POT1: variants seen among roughly 807,000 people sequenced by gnomAD.
The protein encoded by POT1 is protection of telomeres 1, also known as protection of telomeres protein 1.
Under a neutral mutation model 78.5 loss-of-function variants are expected in POT1, and 47 were observed. The ratio of observed to expected loss-of-function variants is 0.60; its 90% CI spans 0.47 to 0.76. The LOEUF (loss-of-function observed/expected upper bound fraction) is 0.76. POT1 is among the 30% of genes least tolerant of loss of function. POT1 has a pLI of 0.00. For missense variants in POT1, 646 were observed against 749.9 expected, an observed-to-expected ratio of 0.86 and a Z score of 1.62; for synonymous variants, 259 against 260.7, an observed-to-expected ratio of 0.99 and a Z score of 0.06.
chr7:124,885,404 C>T (rs1429972318), intron 6 of POT1, among the ~76,000 whole-genome samples: 15 of 151,358 alleles, frequency 9.9e-5, no homozygotes, highest in East Asian at 7.8e-4. Flanking sequence ...GCCCAGCAGT[C>T]GAGGCTGAGG....
At chr7:124,824,259 T>C (rs1344873412) in intron 18 of POT1, among the ~76,000 whole-genome samples, 185 bp from the exon 19 acceptor site, 2 of 151,914 alleles carry the variant, frequency 1.3e-5, no homozygotes, top group African/African-American at 2.4e-5. Context: ...ATTCATGTTA[T>C]TGTTTTGGAG....
intron 3 of POT1, among the ~76,000 whole-genome samples, chr7:124,909,119 T>G (rs1359139727): frequency 6.6e-6 from 1 of 151,842 alleles, no homozygotes; most frequent in East Asian, 1.9e-4. Context: ...ATAAGTGTCT[T>G]TATTTTTGAC....
rs1795350401 is a variant in POT1, at chr7:124,852,997, T to C, written c.844A>G (p.Asn282Asp). 1 of 1,613,396 alleles carries C rather than the reference T, an allele frequency of 6.2e-7. No homozygotes were observed. Among genetic ancestry groups the C allele is most frequent in the Non-Finnish European group, 8.5e-7 (1 of 1,179,544 alleles). Residue 282 changes from asparagine to aspartate, a missense_variant, in exon 10 of 19, where the codon AAC becomes GAC. Transcript: ENST00000357628. ...TTTTTCAGTTGATCCACATCAGAGTTACTTTCTGGCAAGACCCTGATTCCC... is the reference window on the plus strand; with the variant it reads ...TTTTTCAGTTGATCCACATCAGAGTCACTTTCTGGCAAGACCCTGATTCCC... ...GRGIRVLPES[N>D]SDVDQLKKDL...
intron 15 of POT1, among the ~76,000 whole-genome samples, chr7:124,834,861 T>C (rs1007580531): frequency 1.3e-5 from 2 of 152,164 alleles, no homozygotes; most frequent in African/African-American, 4.8e-5. Context: ...CCATCAGTGA[T>C]AGACTGGATT....
chr7:124,897,104 ATG>A (rs1796510088), intron 5 of POT1, 59 bp downstream of exon 5: 1 of 1,042,474 alleles, frequency 9.6e-7, no homozygotes, highest in African/African-American at 1.7e-5. Context: ...ACATGTATCT[ATG>A]TGTGTGGCAT....
At chr7:124,835,957 G>C (rs547321051) in intron 14 of POT1, among the ~76,000 whole-genome samples, 5 of 152,148 alleles carry the variant, frequency 3.3e-5, no homozygotes, top group Non-Finnish European at 7.3e-5. Flanking sequence ...TGGCTGAGAA[G>C]TATTGTCCAA....
chr7:124,822,405 T>C lies in POT1; in HGVS notation c.*1557A>G, dbSNP rs930742899. ...AAGAAATCATGATAAGGTGGATGTT[T>C]ATTTAAAACAAAAATAAGAAGAGAC... On this transcript the variant is annotated 3_prime_UTR_variant, in exon 19 of 19. Transcript: ENST00000357628. 10 of 325,408 alleles carry C rather than the reference T, an allele frequency of 3.1e-5. No individual in the cohort carries two copies. Among genetic ancestry groups the C allele is most frequent in the Middle Eastern group, 4.1e-4 (1 of 2,450 alleles). 20.2% of individuals were successfully genotyped at this position (325,408 alleles called of 1,614,324 possible).
chr7:124,884,569 C>A (rs1796198818), intron 6 of POT1, among the ~76,000 whole-genome samples: 1 of 151,916 alleles, frequency 6.6e-6, no homozygotes. Context: ...AGGTGATGTA[C>A]CACATTATGT....
chr7:124,867,796 C>T (rs1372787575), intron 7 of POT1, among the ~76,000 whole-genome samples: 1 of 152,022 alleles, frequency 6.6e-6, no homozygotes, highest in East Asian at 1.9e-4. Context: ...TACAAGCACC[C>T]ACCACCACAC....
At chr7:124,845,108 C>T (rs1272806781) in intron 12 of POT1, among the ~76,000 whole-genome samples, 2 of 152,156 alleles carry the variant, frequency 1.3e-5, no homozygotes, top group Non-Finnish European at 2.9e-5. Context: ...TAATTACAGG[C>T]AATTTTCAAC....
Position 124,856,919 on chromosome 7 carries a change from T to C in POT1, c.702+2038A>G, listed in dbSNP as rs989615628. 2.0e-5 allele frequency among the ~76,000 whole-genome samples: 3 copies of C among 152,218 alleles called. 1 individual carries two copies. Among genetic ancestry groups the C allele is most frequent in the Non-Finnish European group, 4.4e-5 (3 of 68,036 alleles). ...ATCTTCAACAGTCAGTGTTTTCTGA[T>C]ATGTCACAGATGTATGTGCATACAT... is the stretch of plus-strand genomic sequence containing the variant. On this transcript the variant is annotated intron_variant, in intron 9 of 18. Transcript: ENST00000357628.
At chr7:124,831,655 T>C (rs1353473576) in intron 15 of POT1, among the ~76,000 whole-genome samples, 3 of 152,102 alleles carry the variant, frequency 2.0e-5, no homozygotes, top group Admixed American at 1.3e-4. Context: ...TATCCATTAA[T>C]AGGAAAATAG....
rs763445417 is a variant in POT1, at chr7:124,824,018, C to T, written c.1849G>A (p.Asp617Asn). The T allele has an allele frequency of 6.2e-7, 1 of 1,609,468 alleles. No individual in the cohort carries two copies. Among genetic ancestry groups the T allele is most frequent in the South Asian group, 1.1e-5 (1 of 90,622 alleles). Residue 617 changes from aspartate (D) to asparagine (N), a missense_variant, in exon 19 of 19, where the codon GAT (aspartate) becomes AAT (asparagine). Coordinates refer to ENST00000357628, the MANE Select transcript of POT1 (RefSeq NM_015450.3). ...IKSYNVTNGT[D>N]NQICYQIFDT... ...AAAATCTGATAGCAAATTTGATTAT[C>T]TGTTCCATTTGTGACATTGTATGAC...
At chr7:124,844,732 CAAAAAAAAAAAA>C (rs33956452) in intron 12 of POT1, among the ~76,000 whole-genome samples, 1 of 62,882 alleles carries the variant, frequency 1.6e-5, no homozygotes, top group Non-Finnish European at 2.9e-5. Flanking sequence ...GACTCCGCCT[CAAAAAAAAAAAA>C]AAAAAAAAAA....
chr7:124,832,981 G>A (rs540615084), intron 15 of POT1, among the ~76,000 whole-genome samples: 2 of 152,028 alleles, frequency 1.3e-5, no homozygotes, highest in Admixed American at 6.5e-5. Context: ...AGAGAGAAAG[G>A]GGAAAGAACA....
chr7:124,897,238 T>C, intron 4 of POT1, 26 bp from the exon 5 acceptor site: 1 of 1,114,176 alleles, frequency 9.0e-7, no homozygotes. Flanking sequence ...AAAGAACTTA[T>C]TTGTATACAG....
chr7:124,892,421 T>A, intron 5 of POT1, 41 bp from the exon 6 acceptor site: 5 of 969,176 alleles, frequency 5.2e-6, no homozygotes, highest in Non-Finnish European at 5.9e-6. Context: ...ATACAAAGTA[T>A]TTACATTGTA....
In POT1 at chr7:124,897,811, T is replaced by G. The variant is rs185410600; in HGVS notation, c.-40+450A>C. ...CCCAATTCTACCTAATAGCCTTGAC[T>G]AAAAAGGCAGTTTTCAAGTGTGTGT... On this transcript the variant is annotated intron_variant, in intron 4 of 18. Transcript: ENST00000357628. 5.2e-4 allele frequency among the ~76,000 whole-genome samples: 79 copies of G among 151,972 alleles called. 1 individual carries two copies. Among genetic ancestry groups the G allele is most frequent in the Non-Finnish European group, 7.4e-5 (5 of 67,878 alleles).
At chr7:124,871,993 G>C (rs968646262) in intron 6 of POT1, among the ~76,000 whole-genome samples, 22 of 151,914 alleles carry the variant, frequency 1.4e-4, no homozygotes, top group Admixed American at 5.9e-4. Flanking sequence ...CTGAAATATT[G>C]TATCAGTTGA....
Sources: allele counts gnomAD v4.1 joint callset (sites outside exome capture counted in the v4.1 genomes callset), GRCh38; gene constraint gnomAD v4.1.1; transcripts MANE v1.5; gene names NCBI Gene and HGNC (gene_info 2026-07-23, HGNC 2026-07-21).